Variants in SLC66A3 observed in about 807,000 individuals in gnomAD.
The protein encoded by SLC66A3 is solute carrier family 66 member 3, also known as PQ loop repeat containing 3.
Under a neutral mutation model 25.5 loss-of-function variants are expected in SLC66A3, and 23 were observed. The observed-to-expected ratio is 0.90, with a 90% CI of 0.65 to 1.28. SLC66A3 has a LOEUF of 1.28. Among genes scored for constraint, SLC66A3 ranks in the 50% most tolerant of loss-of-function variants. The pLI is 0.00. For missense variants in SLC66A3, 246 were observed against 262.1 expected (o/e 0.94, Z 0.42); for synonymous variants, 108 against 112.6 (o/e 0.96, Z 0.26).
chr2:11,156,533 C>T (rs1661907474), intron 1 of SLC66A3, among the ~76,000 whole-genome samples: 1 of 151,938 alleles, frequency 6.6e-6, no homozygotes, highest in African/African-American at 2.4e-5. Flanking sequence ...TCCTGGTGGG[C>T]GGGGTGGGGG....
At position 11,177,614 on chromosome 2, in the gene SLC66A3, A is replaced by T; in HGVS notation, c.518-123A>T. 3 of 618,692 alleles carry T rather than the reference A, an allele frequency of 4.8e-6. No individual in the cohort carries two copies. The East Asian group carries it at 8.7e-5, about 18-fold the overall frequency. The allele number at this position is 618,692 out of a possible 1,614,324, so 38.3% of individuals were successfully genotyped here. On this transcript the variant is annotated intron_variant, in intron 6 of 6. Transcript: ENST00000295083. Reference sequence around the variant, plus strand: ...AGATCATTTCCCCAGAAATAACTGGAACCAAAATTGTTCATTTCGGAGGTT... The same window carrying T: ...AGATCATTTCCCCAGAAATAACTGGTACCAAAATTGTTCATTTCGGAGGTT...
At chr2:11,160,150 G>GCC (rs1283030544) in intron 1 of SLC66A3, 2 of 413,990 alleles carry the variant, frequency 4.8e-6, no homozygotes, top group African/African-American at 4.0e-5. Context: ...GGCCCAGAAG[G>GCC]CCCAGTCTCA....
chr2:11,177,473 A>AG (rs386389533), intron 6 of SLC66A3, among the ~76,000 whole-genome samples: 2 of 151,538 alleles, frequency 1.3e-5, no homozygotes, highest in Admixed American at 6.6e-5. Flanking sequence ...AAAAAAAAAA[A>AG]GTTAAAAGTT....
Position 11,157,176 on chromosome 2 carries a change from T to C in SLC66A3, c.143+1487T>C, listed in dbSNP as rs185197984. Among the ~76,000 whole-genome samples the C allele has an allele frequency of 7.5e-4, 115 of 152,340 alleles. 2 individuals are homozygous for C. The highest frequency in any genetic ancestry group is 6.8e-3 in the Middle Eastern group (2 of 294). On this transcript the variant is annotated intron_variant, in intron 1 of 6. Transcript: ENST00000295083. The stretch of plus-strand genomic sequence containing the variant: ...AGAGATACGCAGGTGAGGGCTCCTA[T>C]TAGATCTGCCAGCTGTCACCTCTCC...
rs918823586 is a variant in SLC66A3, at chr2:11,166,657, G to A, written c.354+2396G>A. On this transcript the variant is annotated intron_variant, in intron 4 of 6. Coordinates refer to ENST00000295083, the MANE Select transcript of SLC66A3 (RefSeq NM_152391.5). ...TGGAATCTCAGCACCTTGGGAGGCC[G>A]AGGCAGGCAGATGACCTGAGGTCAG... Among the ~76,000 whole-genome samples the A allele has an allele frequency of 2.6e-5, 4 of 152,210 alleles. No homozygotes were observed. The South Asian group carries it at 8.3e-4, about 31-fold the overall frequency.
rs775436013 is a variant in SLC66A3 at position 11,177,802 on chromosome 2, C to T, written c.583C>T (p.Arg195Trp). 1.4e-5 allele frequency: 23 copies of T among 1,608,276 alleles called. No individual in the cohort carries two copies. The highest frequency in any genetic ancestry group is 1.6e-4 in the Middle Eastern group (1 of 6,068). ...IWVTVTVLRY[R>W]KTAIKAE ...GGTAACAGTGACAGTACTTCGCTAC[C>T]GGAAGACCGCTATAAAGGCTGAATG... Residue 195 changes from arginine (R) to tryptophan (W), a missense_variant, in exon 7 of 7, where the codon CGG (arginine) becomes TGG (tryptophan). Around this residue, in one of 3 missense-constraint regions of SLC66A3, gnomAD observed 93 missense variants for 102.6 expected, o/e 0.91. Transcript: ENST00000295083.
intron 5 of SLC66A3, 72 bp from the exon 6 acceptor site, chr2:11,174,895 GA>G: frequency 1.0e-6 from 1 of 980,672 alleles, no homozygotes; most frequent in Non-Finnish European, 1.6e-6. Flanking sequence ...TATTAAAAGG[GA>G]AAGACATTAT....
chr2:11,168,073 G>T (rs1393059243), intron 4 of SLC66A3, among the ~76,000 whole-genome samples: 1 of 152,280 alleles, frequency 6.6e-6, no homozygotes, highest in Non-Finnish European at 1.5e-5. Context: ...AAGGTCAGGA[G>T]ATCAAGACCA....
At chr2:11,158,744 C>T (rs1190238300) in intron 1 of SLC66A3, among the ~76,000 whole-genome samples, 8 of 151,624 alleles carry the variant, frequency 5.3e-5, no homozygotes, top group South Asian at 2.1e-4. Flanking sequence ...CGCTGGAACC[C>T]GGGAGGTGGA....
intron 4 of SLC66A3, among the ~76,000 whole-genome samples, chr2:11,166,707 A>C (rs1057457078): frequency 1.3e-5 from 2 of 152,094 alleles, no homozygotes; most frequent in Admixed American, 1.3e-4. Flanking sequence ...CCTGGCCAAC[A>C]GGCGAAACCC....
At chr2:11,171,623 C>G (rs1662555399) in intron 4 of SLC66A3, among the ~76,000 whole-genome samples, 1 of 152,010 alleles carries the variant, frequency 6.6e-6, no homozygotes, top group African/African-American at 2.4e-5. Flanking sequence ...GGCTGGAGTG[C>G]AGTGGCACGA....
At chr2:11,177,253 A>G (rs1266099668) in intron 6 of SLC66A3, among the ~76,000 whole-genome samples, 1 of 152,128 alleles carries the variant, frequency 6.6e-6, no homozygotes, top group African/African-American at 2.4e-5. Context: ...TGAGGTCAGG[A>G]GTTTGAGACC....
intron 4 of SLC66A3, among the ~76,000 whole-genome samples, chr2:11,166,559 A>G (rs568245569): frequency 6.6e-5 from 10 of 152,332 alleles, no homozygotes; most frequent in Non-Finnish European, 7.3e-5. Flanking sequence ...GGGTTGCCAT[A>G]TTAACAAGGA....
intron 1 of SLC66A3, 187 bp from the exon 2 acceptor site, chr2:11,160,279 C>T (rs779608636): frequency 3.1e-4 from 198 of 630,600 alleles, no homozygotes; most frequent in Middle Eastern, 2.1e-3. Flanking sequence ...TCTGGATGCT[C>T]CAAAAATTGT....
At chr2:11,172,071 G>A in intron 5 of SLC66A3, 26 bp downstream of exon 5, 12 of 1,612,198 alleles carry the variant, frequency 7.4e-6, no homozygotes, top group Non-Finnish European at 1.0e-5. Flanking sequence ...ACATGGTGGG[G>A]AGGCCTTTGG....
At chr2:11,176,049 T>G (rs1029736396) in intron 6 of SLC66A3, among the ~76,000 whole-genome samples, 10 of 152,200 alleles carry the variant, frequency 6.6e-5, no homozygotes, top group African/African-American at 2.4e-4. Context: ...GGCTTGGGTC[T>G]TTCCACAGGA....
chr2:11,164,345 A>ATATATTTTTTTTTTTTTTTTTTTTT, intron 4 of SLC66A3, 84 bp downstream of exon 4: 1 of 90,894 alleles, frequency 1.1e-5, no homozygotes, highest in Non-Finnish European at 2.0e-5. Context: ...ATATATATAT[A>ATATATTTTTTTTTTTTTTTTTTTTT]TTTTTTTTTT....
intron 4 of SLC66A3, among the ~76,000 whole-genome samples, chr2:11,171,133 TGTG>T: frequency 6.6e-6 from 1 of 152,074 alleles, no homozygotes; most frequent in East Asian, 2.0e-4. Flanking sequence ...GCCTGGCCAA[TGTG>T]GCGAAACCCT....
At position 11,158,282 on chromosome 2, in the gene SLC66A3, C is replaced by T. The variant is rs191328859; in HGVS notation, c.144-2184C>T. Among the ~76,000 whole-genome samples, 9 of 152,178 alleles carry T rather than the reference C, an allele frequency of 5.9e-5. 1 individual carries two copies. Among genetic ancestry groups the T allele is most frequent in the Admixed American group, 5.9e-4 (9 of 15,272 alleles). Reference sequence around the variant, plus strand: ...CCTGTAATCCCAGCCCTTTGGGAGGCCGAGGCGGGCAGATAACCTGAGGTC... The same window carrying T: ...CCTGTAATCCCAGCCCTTTGGGAGGTCGAGGCGGGCAGATAACCTGAGGTC... On this transcript the variant is annotated intron_variant, in intron 1 of 6. Coordinates refer to ENST00000295083, the MANE Select transcript of SLC66A3 (RefSeq NM_152391.5).
Sources: gnomAD v4.1 joint callset for allele counts (sites outside exome capture counted in the v4.1 genomes callset) on GRCh38, gnomAD v4.1.1 for gene constraint, gnomAD v4.1.1 regional missense constraint, MANE v1.5 for transcripts, NCBI Gene and HGNC (gene_info 2026-07-23, HGNC 2026-07-21) for gene names.